Variants in VANGL1 observed in about 807,000 individuals in gnomAD.
VANGL1 encodes vang-like protein 1.
VANGL1 carries 18 observed loss-of-function variants against 48.4 expected under a neutral mutation model. The ratio of observed to expected loss-of-function variants is 0.37; its 90% CI spans 0.26 to 0.55. The LOEUF (loss-of-function observed/expected upper bound fraction) is 0.55, where lower values mean the gene tolerates loss of function less well. Among genes scored for constraint, VANGL1 ranks in the 20% least tolerant of loss-of-function variants. The probability of loss-of-function intolerance (pLI) is 0.81; values close to 1 mark genes in which losing one functional copy is unlikely to be tolerated. For missense variants in VANGL1, 667 were observed against 675.8 expected (o/e 0.99, Z 0.14); for synonymous variants, 257 against 261.8 (o/e 0.98, Z 0.18).
intron 4 of VANGL1, among the ~76,000 whole-genome samples, chr1:115,669,081 T>C (rs969538663): frequency 2.6e-5 from 4 of 152,344 alleles, no homozygotes; most frequent in African/African-American, 9.6e-5. Flanking sequence ...AATTTAATTA[T>C]TGATTTCTAC....
chr1:115,679,595 C>G (rs11590595), intron 4 of VANGL1, among the ~76,000 whole-genome samples: 8,785 of 152,318 alleles, frequency 0.058, 307 homozygotes, highest in Non-Finnish European at 0.081. Flanking sequence ...GGGTGAGAGA[C>G]ACAGCCAGGA....
chr1:115,663,227 G>A (rs4428890), intron 3 of VANGL1, among the ~76,000 whole-genome samples: 14,916 of 152,174 alleles, frequency 0.098, 798 homozygotes, highest in South Asian at 0.14. Flanking sequence ...GTTGGACTTC[G>A]TAAGCCTTTA....
rs574517312 is a variant in VANGL1 at position 115,673,584 on chromosome 1, T to C, written c.813-8780T>C. Among the ~76,000 whole-genome samples the C allele has an allele frequency of 1.9e-4, 28 of 150,470 alleles. 1 individual carries two copies. The highest frequency in any genetic ancestry group is 1.7e-3 in the Admixed American group (25 of 15,116). Reference sequence around the variant, plus strand: ...ACATGACCTCCTCTCTGTGGGTCTCTGTATGTCCTCTTTTTTTTTTTTTTT... The same window carrying C: ...ACATGACCTCCTCTCTGTGGGTCTCCGTATGTCCTCTTTTTTTTTTTTTTT... On this transcript the variant is annotated intron_variant, in intron 4 of 7. Transcript: ENST00000355485.
chr1:115,654,111 G>T (rs1652253512), intron 2 of VANGL1, among the ~76,000 whole-genome samples: 1 of 152,172 alleles, frequency 6.6e-6, no homozygotes, highest in African/African-American at 2.4e-5. Flanking sequence ...TTTGTCCAAG[G>T]AGTGTTCCTG....
At chr1:115,653,800 C>A (rs189264967) in intron 2 of VANGL1, among the ~76,000 whole-genome samples, 51 of 152,286 alleles carry the variant, frequency 3.3e-4, no homozygotes, top group African/African-American at 1.2e-3. Context: ...CAAGCTGAGT[C>A]TTTTAATCAA....
At chr1:115,686,873 G>A (rs1450340415) in intron 7 of VANGL1, among the ~76,000 whole-genome samples, 1 of 84,632 alleles carries the variant, frequency 1.2e-5, no homozygotes, top group African/African-American at 4.6e-5. Flanking sequence ...TTGTATCAAT[G>A]AGGATAATAA....
chr1:115,673,981 G>A (rs1653077015), intron 4 of VANGL1, among the ~76,000 whole-genome samples: 1 of 152,098 alleles, frequency 6.6e-6, no homozygotes, highest in Non-Finnish European at 1.5e-5. Flanking sequence ...TCCAAATAAG[G>A]TCACATTCTG....
chr1:115,667,533 T>A (rs1553188108), intron 4 of VANGL1, among the ~76,000 whole-genome samples: 1 of 152,124 alleles, frequency 6.6e-6, no homozygotes, highest in Non-Finnish European at 1.5e-5. Flanking sequence ...GGTAGAGGTG[T>A]CCCCTCTTAC....
rs116542308 is a variant in VANGL1 at position 115,642,345 on chromosome 1, T to C, written c.-138+259T>C. Among the ~76,000 whole-genome samples the C allele has an allele frequency of 3.0e-3, 463 of 151,994 alleles. 1 individual carries two copies. Among genetic ancestry groups the C allele is most frequent in the African/African-American group, 0.011 (439 of 41,508 alleles). On this transcript the variant is annotated intron_variant, in intron 1 of 7. Coordinates refer to ENST00000355485, the MANE Select transcript of VANGL1 (RefSeq NM_138959.3). ...CGCCCCTCCTGGCCCTGCCGTGCGA[T>C]CTCCGCCGCACCCCACTCCTTGGGG...
intron 5 of VANGL1, 109 bp from the exon 6 acceptor site, chr1:115,683,832 TGTG>T: frequency 7.3e-7 from 1 of 1,378,270 alleles, no homozygotes; most frequent in Non-Finnish European, 1.0e-6. Context: ...TTTGTGTGTG[TGTG>T]TTCCATAGGG....
intron 1 of VANGL1, among the ~76,000 whole-genome samples, chr1:115,648,158 C>T (rs1422515199): frequency 6.6e-6 from 1 of 152,158 alleles, no homozygotes; most frequent in African/African-American, 2.4e-5. Flanking sequence ...GGCAGCATGC[C>T]TTTGTCATTG....
intron 4 of VANGL1, among the ~76,000 whole-genome samples, chr1:115,674,934 C>G (rs1040959046): frequency 3.4e-5 from 5 of 148,752 alleles, no homozygotes; most frequent in African/African-American, 1.2e-4. Context: ...GTAGAAGGGA[C>G]CATGTGTACG....
rs756347879 is a variant in VANGL1, at chr1:115,693,017, A to G, written c.*1638A>G. On this transcript the variant is annotated 3_prime_UTR_variant, in exon 8 of 8. Coordinates refer to ENST00000355485, the MANE Select transcript of VANGL1 (RefSeq NM_138959.3). ...TTGTAAAAATCAAAATTGGCTTTGG[A>G]TCTTTGTAATACACCTGTACCTGAA... 6 of 152,184 alleles carry G rather than the reference A, an allele frequency of 3.9e-5. No homozygotes were observed. Among genetic ancestry groups the G allele is most frequent in the Non-Finnish European group, 8.8e-5 (6 of 68,030 alleles). 9.4% of individuals were successfully genotyped at this position (152,184 alleles called of 1,614,324 possible).
intron 1 of VANGL1, among the ~76,000 whole-genome samples, chr1:115,646,750 G>T (rs151005406): frequency 7.9e-4 from 120 of 152,226 alleles, no homozygotes; most frequent in African/African-American, 2.7e-3. Context: ...GGAGCTTACA[G>T]CCTGTGAAGA....
intron 1 of VANGL1, among the ~76,000 whole-genome samples, chr1:115,648,730 CT>C (rs1427553500): frequency 6.6e-6 from 1 of 152,202 alleles, no homozygotes; most frequent in African/African-American, 2.4e-5. Context: ...CATTTGCCCC[CT>C]GATGTCACAG....
Position 115,691,495 on chromosome 1 carries a change from C to T in VANGL1, c.*116C>T, listed in dbSNP as rs147518221. 5.1e-4 allele frequency: 599 copies of T among 1,166,740 alleles called. 2 individuals are homozygous for T. In the African/African-American group the frequency reaches 8.1e-3, roughly 16 times the overall value. 72.3% of individuals were successfully genotyped at this position (1,166,740 alleles called of 1,614,324 possible). A position where few individuals can be genotyped will look rare whatever the true frequency, so the allele number is the denominator to read the frequency against. ...CTTCTTCATTGCTGACTGAAACTGG[C>T]AGATGATTGACCAGTATCCTTTGAC... On this transcript the variant is annotated 3_prime_UTR_variant, in exon 8 of 8. Transcript: ENST00000355485.
intron 4 of VANGL1, among the ~76,000 whole-genome samples, chr1:115,681,423 A>G (rs1653377841): frequency 1.3e-5 from 2 of 151,946 alleles, no homozygotes; most frequent in Non-Finnish European, 1.5e-5. Context: ...CCCTCTGCCA[A>G]AGGCCAGAGA....
At chr1:115,657,983 A>G (rs1570744376) in intron 2 of VANGL1, among the ~76,000 whole-genome samples, 1 of 152,174 alleles carries the variant, frequency 6.6e-6, no homozygotes, top group Non-Finnish European at 1.5e-5. Flanking sequence ...TGAAGATAGC[A>G]CCAAGCCATG....
chr1:115,675,027 G>T (rs1653112362), intron 4 of VANGL1, among the ~76,000 whole-genome samples: 1 of 152,092 alleles, frequency 6.6e-6, no homozygotes, highest in African/African-American at 2.4e-5. Context: ...TAAAATGGGG[G>T]TGGTTTATGG....
Sources: gnomAD v4.1 joint callset for allele counts (sites outside exome capture counted in the v4.1 genomes callset) on GRCh38, gnomAD v4.1.1 for gene constraint, MANE v1.5 for transcripts, NCBI Gene and HGNC (gene_info 2026-07-23, HGNC 2026-07-21) for gene names.